CD82: variants seen among roughly 807,000 people sequenced by gnomAD.
The protein encoded by CD82 is CD82 molecule.
In CD82, 36 loss-of-function variants were observed where a neutral mutation model predicts 37.4. That is an observed-to-expected ratio of 0.96 (90% CI 0.74 to 1.27). The LOEUF is 1.27. Ranked by LOEUF, CD82 falls within the 50% of genes most tolerant of loss-of-function variation. The pLI, the probability that CD82 is intolerant of heterozygous loss-of-function variation, is 0.00. For missense variants in CD82, 340 were observed against 347.0 expected, an observed-to-expected ratio of 0.98 and a Z score of 0.16; for synonymous variants, 158 against 137.4, an observed-to-expected ratio of 1.15 and a Z score of -1.05.
intron 6 of CD82, among the ~76,000 whole-genome samples, chr11:44,612,511 A>G (rs1229746072): frequency 6.7e-6 from 1 of 148,628 alleles, no homozygotes; most frequent in Non-Finnish European, 1.5e-5. Context: ...AAAGCTTTGT[A>G]AATTGCAGAA....
intron 2 of CD82, among the ~76,000 whole-genome samples, chr11:44,590,480 G>T (rs531197883): frequency 6.6e-6 from 1 of 151,152 alleles, no homozygotes; most frequent in Admixed American, 6.6e-5. Flanking sequence ...GCATGGTGGC[G>T]GGCGCCTGTA....
At chr11:44,616,662 T>C (rs1371920311) in intron 7 of CD82, among the ~76,000 whole-genome samples, 1 of 152,208 alleles carries the variant, frequency 6.6e-6, no homozygotes, top group Non-Finnish European at 1.5e-5. Flanking sequence ...TACTGACCCA[T>C]GCCGTGTGAG....
chr11:44,602,986 A>C (rs2134670037), intron 4 of CD82, among the ~76,000 whole-genome samples: 1 of 152,298 alleles, frequency 6.6e-6, no homozygotes, highest in Non-Finnish European at 1.5e-5. Flanking sequence ...TGGTTGCTGA[A>C]ATTAGGCAGG....
At position 44,585,336 on chromosome 11, in the gene CD82, A is replaced by G. The variant is rs1293724816; in HGVS notation, c.-102-2139A>G. The G allele has an allele frequency of 1.1e-5, 5 of 456,204 alleles. No homozygotes were observed. The Admixed American group carries it at 1.2e-4, about 11-fold the overall frequency. The allele number at this position is 456,204 out of a possible 1,614,324, so 28.3% of individuals were successfully genotyped here. On this transcript the variant is annotated intron_variant, in intron 1 of 9. Coordinates refer to ENST00000227155, the MANE Select transcript of CD82 (RefSeq NM_002231.4). ...ACATTTACTGGGTGCCAGGAACTTTATAGATACAAACTCTTTAAGCCTGAC... is the reference window on the plus strand; with the variant it reads ...ACATTTACTGGGTGCCAGGAACTTTGTAGATACAAACTCTTTAAGCCTGAC...
At chr11:44,588,306 C>A (rs1322995839) in intron 2 of CD82, among the ~76,000 whole-genome samples, 1 of 151,976 alleles carries the variant, frequency 6.6e-6, no homozygotes, top group Non-Finnish European at 1.5e-5. Context: ...TCACTGCCAC[C>A]TCCACCTCCT....
At position 44,597,637 on chromosome 11, in the gene CD82, G is replaced by T. The variant is rs1346356933; in HGVS notation, c.64-2521G>T. 6.6e-6 allele frequency among the ~76,000 whole-genome samples: 1 copy of T among 152,188 alleles called. No homozygotes were observed. The highest frequency in any genetic ancestry group is 1.5e-5 in the Non-Finnish European group (1 of 68,024). On this transcript the variant is annotated intron_variant, in intron 3 of 9. Transcript: ENST00000227155. The surrounding 1 kb of genome is among the most constrained non-coding windows in gnomAD (Gnocchi z 4.1). ...GTAGTGTGGGGTTTTGATCTACTTG[G>T]GATTATGTGTGCCAAGAGGGGATTT...
In CD82 at chr11:44,587,371, G is replaced by A. The variant is rs979129696; in HGVS notation, c.-102-104G>A. 2.9e-5 allele frequency: 13 copies of A among 447,916 alleles called. No individual in the cohort carries two copies. The East Asian group carries it at 4.2e-4, about 15-fold the overall frequency. 27.7% of individuals were successfully genotyped at this position (447,916 alleles called of 1,614,324 possible). A position where few individuals can be genotyped will look rare whatever the true frequency, so the allele number is the denominator to read the frequency against. ...GGAATGGCAACCCTGGCGGGGCCCC[G>A]CCGGCCACACGGGGAGCCTGGATTT... On this transcript the variant is annotated intron_variant, in intron 1 of 9. Coordinates refer to ENST00000227155, the MANE Select transcript of CD82 (RefSeq NM_002231.4).
chr11:44,605,037 T>G lies in CD82; in HGVS notation c.137-21T>G, dbSNP rs750219934. The G allele has an allele frequency of 2.5e-6, 4 of 1,614,062 alleles. No homozygotes were observed. The African/African-American group carries it at 5.3e-5, about 22-fold the overall frequency. Reference sequence around the variant, plus strand: ...TTATACCTGCTGTGCCCACTGATTTTGTACTTCTTCTTCCCCCTAGAAACC... The same window carrying G: ...TTATACCTGCTGTGCCCACTGATTTGGTACTTCTTCTTCCCCCTAGAAACC... On this transcript the variant is annotated intron_variant, in intron 4 of 9. Transcript: ENST00000227155.
chr11:44,605,557 C>T (rs1853382249), intron 6 of CD82, 128 bp downstream of exon 6: 11 of 782,548 alleles, frequency 1.4e-5, no homozygotes, highest in Non-Finnish European at 2.1e-5. Context: ...CAGGGACGGC[C>T]TCCTGGACAC....
chr11:44,619,830 C>G lies in CD82; in HGVS notation c.*704C>G, dbSNP rs1853637712. 6.7e-6 allele frequency: 1 copy of G among 149,856 alleles called. No homozygotes were observed. The highest frequency in any genetic ancestry group is 2.1e-4 in the South Asian group (1 of 4,768). 9.3% of individuals were successfully genotyped at this position (149,856 alleles called of 1,614,324 possible). The stretch of plus-strand genomic sequence containing the variant: ...CGTTAGATAAGGCACTCTGGGCTGT[C>G]AGGAGACTGCCTACTGGGTGGGTCA... On this transcript the variant is annotated 3_prime_UTR_variant, in exon 10 of 10. Coordinates refer to ENST00000227155, the MANE Select transcript of CD82 (RefSeq NM_002231.4).
chr11:44,576,146 G>T (rs1207194814), intron 1 of CD82, among the ~76,000 whole-genome samples: 1 of 152,202 alleles, frequency 6.6e-6, no homozygotes, highest in Non-Finnish European at 1.5e-5. Flanking sequence ...AGCAGTTTAT[G>T]TTCCCAGTTA....
chr11:44,614,596 G>A (rs1422239407), intron 6 of CD82, among the ~76,000 whole-genome samples: 1 of 152,124 alleles, frequency 6.6e-6, no homozygotes, highest in Non-Finnish European at 1.5e-5. Flanking sequence ...CAACAAGCAT[G>A]TAACGTCAGT....
At position 44,605,091 on chromosome 11, in the gene CD82, A is replaced by C. The variant is rs1853369954; in HGVS notation, c.170A>C (p.Tyr57Ser). 1 of 1,614,026 alleles carries C rather than the reference A, an allele frequency of 6.2e-7. No homozygotes were observed. Among genetic ancestry groups the C allele is most frequent in the African/African-American group, 1.3e-5 (1 of 74,908 alleles). ...TCCAGCTCGCTTAGGATGGGGGCCT[A>C]TGTCTTCATCGGCGTGGGGGCAGTC... ...TSSSSLRMGA[Y>S]VFIGVGAVTM... Residue 57 changes from tyrosine to serine, a missense_variant, in exon 5 of 10, where the codon TAT (tyrosine) becomes TCT (serine). Physicochemically the swap from Tyr to Ser is moderately radical, Grantham distance 144. Transcript: ENST00000227155.
At chr11:44,616,556 G>A (rs1046385523) in intron 7 of CD82, among the ~76,000 whole-genome samples, 2 of 152,190 alleles carry the variant, frequency 1.3e-5, no homozygotes, top group Non-Finnish European at 2.9e-5. Context: ...TGCTGCTTAG[G>A]CCGGTGGTAA....
chr11:44,616,380 A>G (rs1242161269), intron 7 of CD82, among the ~76,000 whole-genome samples: 3 of 152,102 alleles, frequency 2.0e-5, no homozygotes, highest in African/African-American at 7.2e-5. Context: ...TTGACCCACA[A>G]TTGCTGAGAC....
At chr11:44,581,828 G>T (rs1477155969) in intron 1 of CD82, among the ~76,000 whole-genome samples, 1 of 152,200 alleles carries the variant, frequency 6.6e-6, no homozygotes, top group Non-Finnish European at 1.5e-5. Flanking sequence ...GCTAGACCTG[G>T]TTCCATGTGC....
chr11:44,578,540 A>G (rs1852933415), intron 1 of CD82, among the ~76,000 whole-genome samples: 1 of 152,028 alleles, frequency 6.6e-6, no homozygotes, highest in African/African-American at 2.4e-5. Flanking sequence ...ACTTCCCTTT[A>G]TTGTGTGTTT....
chr11:44,613,475 C>T (rs1030866975), intron 6 of CD82, among the ~76,000 whole-genome samples: 9 of 152,304 alleles, frequency 5.9e-5, no homozygotes, highest in Middle Eastern at 6.8e-3. Context: ...TGCTGCTCTC[C>T]ACCACAAGAA....
chr11:44,612,124 C>T (rs571704348), intron 6 of CD82, among the ~76,000 whole-genome samples: 1 of 152,366 alleles, frequency 6.6e-6, no homozygotes, highest in East Asian at 1.9e-4. Context: ...GATCACCTGG[C>T]AGACAGCCCC....
Sources: allele counts gnomAD v4.1 joint callset (sites outside exome capture counted in the v4.1 genomes callset), GRCh38; gene constraint gnomAD v4.1.1; non-coding constraint Gnocchi (gnomAD v3.1); transcripts MANE v1.5; gene names NCBI Gene and HGNC (gene_info 2026-07-23, HGNC 2026-07-21).